The following LOC400499 variants were observed in gnomAD, a reference collection of about 807,000 sequenced individuals.
chr16:11,437,817 C>T, the LOC400499 span, among the ~76,000 whole-genome samples: 4 of 152,104 alleles, frequency 2.6e-5, no homozygotes, highest in Non-Finnish European at 5.9e-5. Context: ...TGCAGTGAGC[C>T]GAGATCATGC....
the LOC400499 span, among the ~76,000 whole-genome samples, chr16:11,517,736 C>T: frequency 1.3e-5 from 2 of 152,184 alleles, no homozygotes; most frequent in African/African-American, 2.4e-5. Context: ...TGCCCTTCCC[C>T]TGGCAGAAAG....
the LOC400499 span, among the ~76,000 whole-genome samples, chr16:11,447,647 T>C: frequency 6.6e-6 from 1 of 152,076 alleles, no homozygotes. Context: ...GGGAACTGTT[T>C]GAATGAGCTC....
At chr16:11,471,925 TTC>T in the LOC400499 span, 3 of 397,854 alleles carry the variant, frequency 7.5e-6, no homozygotes, top group Non-Finnish European at 1.3e-5. Context: ...CTCTAATTTC[TTC>T]TGAGGAAAGG....
chr16:11,512,952 G>A, the LOC400499 span, among the ~76,000 whole-genome samples: 1 of 152,152 alleles, frequency 6.6e-6, no homozygotes, highest in South Asian at 2.1e-4. Context: ...CCCCCAGGGG[G>A]TGCCGGGAGC....
At chr16:11,426,316 A>G in the LOC400499 span, among the ~76,000 whole-genome samples, 6 of 152,152 alleles carry the variant, frequency 3.9e-5, no homozygotes, top group Non-Finnish European at 7.3e-5. Context: ...CATGCCTGTC[A>G]TCCCAGCTAC....
At chr16:11,416,595 A>G in the LOC400499 span, among the ~76,000 whole-genome samples, 28 of 152,208 alleles carry the variant, frequency 1.8e-4, no homozygotes, top group Admixed American at 6.5e-5. Flanking sequence ...TCTAGCATAG[A>G]AAAATGAAAA....
At chr16:11,418,300 G>A in the LOC400499 span, among the ~76,000 whole-genome samples, 2 of 152,218 alleles carry the variant, frequency 1.3e-5, no homozygotes, top group African/African-American at 4.8e-5. Context: ...CTACCAGGCT[G>A]CATTCCCAGG....
At chr16:11,399,270 C>A in the LOC400499 span, 1 of 984,258 alleles carries the variant, frequency 1.0e-6, no homozygotes, top group Non-Finnish European at 1.2e-6. Flanking sequence ...CTTTTCTTGT[C>A]TTCCAGAGCC....
chr16:11,485,214 G>C, the LOC400499 span: 1 of 397,460 alleles, frequency 2.5e-6, no homozygotes. Flanking sequence ...CCTGGGCTGA[G>C]GTTCGGGGAC....
At chr16:11,402,107 C>A in the LOC400499 span, 1 of 399,128 alleles carries the variant, frequency 2.5e-6, no homozygotes, top group Non-Finnish European at 4.4e-6. Context: ...TGAGGACAGG[C>A]GGAGGCTGCA....
the LOC400499 span, chr16:11,465,143 T>C: frequency 6.6e-6 from 1 of 152,214 alleles, no homozygotes; most frequent in Admixed American, 6.5e-5. Flanking sequence ...CCTGGTGGGA[T>C]CAAGTCTAAA....
chr16:11,442,111 C>G, the LOC400499 span: 1 of 152,208 alleles, frequency 6.6e-6, no homozygotes, highest in Non-Finnish European at 1.5e-5. Flanking sequence ...CACTGGAGTG[C>G]ATCTTTAAAG....
At chr16:11,382,682 C>A in the LOC400499 span, among the ~76,000 whole-genome samples, 2 of 151,930 alleles carry the variant, frequency 1.3e-5, no homozygotes, top group African/African-American at 2.4e-5. Context: ...TGGTGGCTCC[C>A]GCCTGTCATT....
chr16:11,470,072 T>TG, the LOC400499 span, among the ~76,000 whole-genome samples: 14 of 152,264 alleles, frequency 9.2e-5, no homozygotes, highest in South Asian at 1.9e-3. Context: ...CCAGTTTTTT[T>TG]TTGTTGTTGT....
the LOC400499 span, chr16:11,399,516 C>T: frequency 1.0e-5 from 4 of 398,632 alleles, no homozygotes; most frequent in Non-Finnish European, 1.8e-5. Context: ...CCCCAGGACA[C>T]GTTGAGCTGT....
the LOC400499 span, chr16:11,404,559 C>G: frequency 2.6e-5 from 10 of 391,556 alleles, no homozygotes; most frequent in African/African-American, 2.1e-4. Flanking sequence ...GTTGGCCAGG[C>G]TGGTCTCAAA....
chr16:11,469,175 C>T, the LOC400499 span: 1 of 399,492 alleles, frequency 2.5e-6, no homozygotes, highest in African/African-American at 2.1e-5. Context: ...TGGAGCAAAC[C>T]TTGATGTAGT....
the LOC400499 span, among the ~76,000 whole-genome samples, chr16:11,527,063 T>C: frequency 2.9e-3 from 445 of 152,330 alleles, 2 homozygotes; most frequent in African/African-American, 0.01. Context: ...GACTGCCCCT[T>C]GCTTCGCTCC....
chr16:11,447,838 AG>A, the LOC400499 span: 1 of 1,415,544 alleles, frequency 7.1e-7, no homozygotes, highest in Non-Finnish European at 9.3e-7. Flanking sequence ...GAGATTCTCC[AG>A]GTAGCTCTGC....
Sources: allele counts gnomAD v4.1 joint callset (sites outside exome capture counted in the v4.1 genomes callset), GRCh38; gene constraint gnomAD v4.1.1; transcripts MANE v1.5.